Variants in ATP8B1 observed in about 807,000 individuals in gnomAD.
ATP8B1 encodes phospholipid-transporting ATPase IC.
Under a neutral mutation model 149.9 loss-of-function variants are expected in ATP8B1, and 80 were observed. The observed-to-expected ratio is 0.53, with a 90% CI of 0.45 to 0.64. The LOEUF (loss-of-function observed/expected upper bound fraction) is 0.64. ATP8B1 is among the 30% of genes least tolerant of loss of function. ATP8B1 has a pLI of 0.00. For missense variants in ATP8B1, 1,247 were observed against 1,552.6 expected, an observed-to-expected ratio of 0.80 and a Z score of 3.31; for synonymous variants, 536 against 562.8, an observed-to-expected ratio of 0.95 and a Z score of 0.67.
rs1912545804 is a variant in ATP8B1, at chr18:57,691,831, A to G, written c.1196T>C (p.Met399Thr). ...FWGYIIVLNT[M>T]VPISLYVSVE... ...CCTGACATAGAGAGAGATGGGTACC[A>G]TGGTGTTGAGAACAATGATATAGCC... is the stretch of plus-strand genomic sequence containing the variant. Residue 399 changes from methionine to threonine, a missense_variant, in exon 12 of 28, where the codon ATG (methionine) becomes ACG (threonine). By Grantham distance (81) the Met-to-Thr change is moderately conservative. Transcript: ENST00000648908. 3.7e-6 allele frequency: 6 copies of G among 1,614,018 alleles called. No individual in the cohort carries two copies. The highest frequency in any genetic ancestry group is 5.1e-6 in the Non-Finnish European group (6 of 1,180,016).
chr18:57,655,231 TG>T lies in ATP8B1; in HGVS notation c.2893del (p.His965IlefsTer43). The T allele has an allele frequency of 4.3e-6, 7 of 1,613,956 alleles. No individual in the cohort carries two copies. Among genetic ancestry groups the T allele is most frequent in the Non-Finnish European group, 5.9e-6 (7 of 1,179,872 alleles). ...FYKNFAFTLVHFWYSFFNGYS... is the reference protein window; with the variant it reads ...FYKNFAFTLVXFWYSFFNGYS... ...GCCATTGAAGAAGGAGTACCAGAAA[TG>T]AACCAAAGTAAAGGCAAAGTTTTTG... On this transcript the variant is annotated frameshift_variant, in exon 23 of 28. Coordinates refer to ENST00000648908, the MANE Select transcript of ATP8B1 (RefSeq NM_001374385.1). LOFTEE classifies it high-confidence loss of function.
At position 57,697,706 on chromosome 18, in the gene ATP8B1, C is replaced by T. The variant is rs758313875; in HGVS notation, c.628-18G>A. 10 of 1,613,892 alleles carry T rather than the reference C, an allele frequency of 6.2e-6. No homozygotes were observed. Among genetic ancestry groups the T allele is most frequent in the Non-Finnish European group, 7.6e-6 (9 of 1,179,918 alleles). Reference sequence around the variant, plus strand: ...ATGTCAGCCTGTCCAAAACAAAACACACAAATAACACCGAGACCCTGAGGG... The same window carrying T: ...ATGTCAGCCTGTCCAAAACAAAACATACAAATAACACCGAGACCCTGAGGG... On this transcript the variant is annotated intron_variant, in intron 7 of 27. Transcript: ENST00000648908.
In ATP8B1 at chr18:57,648,062, C is replaced by T. The variant is rs192231911; in HGVS notation, c.*426G>A. ...AGTGCAGTGGCGCAATCTCGGCTCA[C>T]TGTAACCTCCATCTCCCAGGTTCAA... is the stretch of plus-strand genomic sequence containing the variant. On this transcript the variant is annotated 3_prime_UTR_variant, in exon 28 of 28. Transcript: ENST00000648908. 33 of 327,160 alleles carry T rather than the reference C, an allele frequency of 1.0e-4. No individual in the cohort carries two copies. Among genetic ancestry groups the T allele is most frequent in the Non-Finnish European group, 1.9e-4 (31 of 167,308 alleles). The allele number at this position is 327,160 out of a possible 1,614,324, so 20.3% of individuals were successfully genotyped here.
chr18:57,687,260 C>A (rs374379594), intron 13 of ATP8B1, among the ~76,000 whole-genome samples: 2 of 152,162 alleles, frequency 1.3e-5, no homozygotes, highest in East Asian at 1.9e-4. Context: ...TGACTCCAGC[C>A]CCTGGTAACC....
At chr18:57,707,126 G>GA (rs2122978252) in intron 2 of ATP8B1, among the ~76,000 whole-genome samples, 1 of 152,268 alleles carries the variant, frequency 6.6e-6, no homozygotes, top group South Asian at 2.1e-4. Context: ...CCAAGGTGGT[G>GA]AAACCCCGTC....
Position 57,732,612 on chromosome 18 carries a change from G to A in ATP8B1, c.-25-780C>T, listed in dbSNP as rs1312577082. The stretch of plus-strand genomic sequence containing the variant: ...GAGTCTCCCTCTGTCACCCAGGCTG[G>A]AGTGCAATGGCACGATCTCGGCTCA... On this transcript the variant is annotated intron_variant, in intron 1 of 27. Transcript: ENST00000648908. Among the ~76,000 whole-genome samples, 12 of 152,020 alleles carry A rather than the reference G, an allele frequency of 7.9e-5. No individual in the cohort carries two copies. The South Asian group carries it at 2.5e-3, about 32-fold the overall frequency.
At chr18:57,692,425 A>ATTTTTTT (rs10547283) in intron 11 of ATP8B1, among the ~76,000 whole-genome samples, 2 of 57,038 alleles carry the variant, frequency 3.5e-5, no homozygotes, top group African/African-American at 1.3e-4. Flanking sequence ...TATTCAACAG[A>ATTTTTTT]TTTTTTTTTT....
intron 23 of ATP8B1, 145 bp downstream of exon 23, chr18:57,655,049 A>T (rs1011398747): frequency 1.3e-6 from 1 of 757,746 alleles, no homozygotes; most frequent in African/African-American, 1.8e-5. Context: ...AGAAGTCATG[A>T]TCATTCTTAA....
intron 2 of ATP8B1, among the ~76,000 whole-genome samples, chr18:57,726,305 G>A (rs1398130905): frequency 6.6e-6 from 1 of 152,136 alleles, no homozygotes; most frequent in Non-Finnish European, 1.5e-5. Flanking sequence ...GATTTCTTGA[G>A]TAATACTTCA....
chr18:57,776,107 T>A (rs1488806880), intron 1 of ATP8B1, among the ~76,000 whole-genome samples: 1 of 152,204 alleles, frequency 6.6e-6, no homozygotes, highest in Non-Finnish European at 1.5e-5. Flanking sequence ...CTTTCTTCTA[T>A]AGTTTCTGAA....
At chr18:57,760,916 G>C (rs926995061) in intron 1 of ATP8B1, among the ~76,000 whole-genome samples, 2 of 151,878 alleles carry the variant, frequency 1.3e-5, no homozygotes, top group Admixed American at 6.6e-5. Context: ...TTGAACCCAG[G>C]AGGCAGAGGT....
chr18:57,802,469 C>T lies in ATP8B1; in HGVS notation c.-26+529G>A, dbSNP rs1344698806. 6.6e-6 allele frequency among the ~76,000 whole-genome samples: 1 copy of T among 152,192 alleles called. No homozygotes were observed. The highest frequency in any genetic ancestry group is 6.5e-5 in the Admixed American group (1 of 15,280). On this transcript the variant is annotated intron_variant, in intron 1 of 27. Transcript: ENST00000648908. This position sits in a 1 kb window ranked among gnomAD's most constrained non-coding sequence, Gnocchi z 4.9. ...CTGCCACAGGAGCTGGGGAGGAGAG[C>T]GATCTCACCCCCTCCATCCCTCCCG...
intron 15 of ATP8B1, among the ~76,000 whole-genome samples, chr18:57,676,975 C>T (rs1025994366): frequency 6.6e-6 from 1 of 152,132 alleles, no homozygotes; most frequent in Admixed American, 6.5e-5. Context: ...TATTCCACTG[C>T]ACTCCAGCCT....
intron 16 of ATP8B1, among the ~76,000 whole-genome samples, 173 bp from the exon 17 acceptor site, chr18:57,671,753 G>C (rs1911229331): frequency 6.6e-6 from 1 of 152,082 alleles, no homozygotes; most frequent in African/African-American, 2.4e-5. Flanking sequence ...CTCCCGAGTA[G>C]CTGGGACTAC....
intron 22 of ATP8B1, among the ~76,000 whole-genome samples, chr18:57,655,812 T>A (rs1045149980): frequency 6.6e-6 from 1 of 152,212 alleles, no homozygotes; most frequent in African/African-American, 2.4e-5. Flanking sequence ...TTGTGGTAGA[T>A]ACTACAAATC....
intron 1 of ATP8B1, among the ~76,000 whole-genome samples, chr18:57,756,192 C>CATATATATATATAT (rs147263393): frequency 3.1e-4 from 26 of 84,736 alleles, no homozygotes; most frequent in African/African-American, 7.3e-4. Context: ...ATTTCCACAA[C>CATATATATATATAT]ATATATATAT....
intron 2 of ATP8B1, among the ~76,000 whole-genome samples, chr18:57,718,103 TAAAAAAA>T (rs59629558): frequency 3.5e-3 from 112 of 31,822 alleles, no homozygotes; most frequent in African/African-American, 0.012. Context: ...CTGGACTAAC[TAAAAAAA>T]AAAAAAAAAA....
Position 57,648,311 on chromosome 18 carries a change from A to G in ATP8B1, c.*177T>C. On this transcript the variant is annotated 3_prime_UTR_variant, in exon 28 of 28. Transcript: ENST00000648908. ...GAATAATAGGACTTTTAAAAGTCCT[A>G]TTTCTTGGCTCTGCTATTGTTTAAT... 1 of 807,544 alleles carries G rather than the reference A, an allele frequency of 1.2e-6. No individual in the cohort carries two copies. Among genetic ancestry groups the G allele is most frequent in the Non-Finnish European group, 2.0e-6 (1 of 493,654 alleles). The allele number at this position is 807,544 out of a possible 1,614,324, so 50.0% of individuals were successfully genotyped here.
intron 1 of ATP8B1, among the ~76,000 whole-genome samples, chr18:57,780,075 CA>C (rs1394959377): frequency 6.6e-6 from 1 of 152,164 alleles, no homozygotes; most frequent in Non-Finnish European, 1.5e-5. Context: ...TTCTAATTCT[CA>C]TAACAGATTT....
Sources: allele counts gnomAD v4.1 joint callset (sites outside exome capture counted in the v4.1 genomes callset), GRCh38; gene constraint gnomAD v4.1.1; non-coding constraint Gnocchi (gnomAD v3.1); transcripts MANE v1.5; gene names NCBI Gene and HGNC (gene_info 2026-07-23, HGNC 2026-07-21).